The following B4GALNT3 variants were observed in gnomAD, a reference collection of about 807,000 sequenced individuals.
B4GALNT3 encodes beta-1,4-N-acetylgalactosaminyltransferase 3.
Under a neutral mutation model 120.2 loss-of-function variants are expected in B4GALNT3, and 86 were observed. The observed-to-expected ratio is 0.72, with a 90% CI of 0.60 to 0.86. The LOEUF is 0.86. Among genes scored for constraint, B4GALNT3 ranks in the 40% least tolerant of loss-of-function variants. The pLI, the probability that B4GALNT3 is intolerant of heterozygous loss-of-function variation, is 0.00. For missense variants in B4GALNT3, 1,167 were observed against 1,298.9 expected (o/e 0.90, Z 1.56); for synonymous variants, 518 against 510.4 (o/e 1.01, Z -0.20).
chr12:464,846 C>T (rs1946061697), intron 1 of B4GALNT3, among the ~76,000 whole-genome samples: 1 of 152,190 alleles, frequency 6.6e-6, no homozygotes, highest in South Asian at 2.1e-4. Flanking sequence ...CTCTGGTTGG[C>T]CTTTGTGACT....
At chr12:481,216 C>T (rs1194412339) in intron 1 of B4GALNT3, among the ~76,000 whole-genome samples, 1 of 152,178 alleles carries the variant, frequency 6.6e-6, no homozygotes, top group Middle Eastern at 3.2e-3. Flanking sequence ...TGCTTCCTCC[C>T]AGGGTCACTG....
chr12:545,299 TCA>T, intron 5 of B4GALNT3, 68 bp from the exon 6 acceptor site: 1 of 1,539,828 alleles, frequency 6.5e-7, no homozygotes, highest in African/African-American at 1.4e-5. Flanking sequence ...GCTAAGACAC[TCA>T]CAAAAGCCTC....
chr12:466,676 A>G (rs1036934110), intron 1 of B4GALNT3, among the ~76,000 whole-genome samples: 7 of 152,204 alleles, frequency 4.6e-5, no homozygotes, highest in African/African-American at 7.2e-5. Flanking sequence ...TTGCAGACTC[A>G]AGTTAACAAG....
intron 1 of B4GALNT3, among the ~76,000 whole-genome samples, chr12:461,888 C>T (rs987294829): frequency 6.6e-6 from 1 of 152,186 alleles, no homozygotes; most frequent in Non-Finnish European, 1.5e-5. Flanking sequence ...AAAACGACAG[C>T]TTCTCAGGTG....
intron 1 of B4GALNT3, among the ~76,000 whole-genome samples, chr12:496,132 A>G (rs1467729820): frequency 2.0e-5 from 3 of 152,278 alleles, no homozygotes. Context: ...GGATCATGGC[A>G]GAAAAAGATC....
intron 1 of B4GALNT3, among the ~76,000 whole-genome samples, chr12:525,710 G>A (rs901398974): frequency 1.3e-5 from 2 of 152,248 alleles, no homozygotes; most frequent in South Asian, 2.1e-4. Context: ...ATAGGAGGAA[G>A]AGCACAGGCT....
At chr12:508,905 T>C (rs1946521690) in intron 1 of B4GALNT3, among the ~76,000 whole-genome samples, 1 of 152,232 alleles carries the variant, frequency 6.6e-6, no homozygotes, top group Non-Finnish European at 1.5e-5. Flanking sequence ...CAGGGTCTTT[T>C]CCTCTCATGC....
chr12:491,027 T>G (rs1946335108), intron 1 of B4GALNT3, among the ~76,000 whole-genome samples: 1 of 152,096 alleles, frequency 6.6e-6, no homozygotes, highest in Admixed American at 6.6e-5. Context: ...TAACTAATTC[T>G]ATGAGGCCAG....
intron 1 of B4GALNT3, among the ~76,000 whole-genome samples, chr12:503,039 G>A (rs1390832146): frequency 2.0e-5 from 3 of 152,170 alleles, no homozygotes; most frequent in African/African-American, 7.2e-5. Context: ...GATTACAGGT[G>A]TGAGCCACTG....
intron 1 of B4GALNT3, among the ~76,000 whole-genome samples, chr12:481,121 G>T (rs1455646893): frequency 2.6e-5 from 4 of 152,218 alleles, no homozygotes; most frequent in African/African-American, 9.6e-5. Flanking sequence ...TCATGGCCAT[G>T]CCTCAGGGAG....
At chr12:493,619 G>A (rs1447637768) in intron 1 of B4GALNT3, among the ~76,000 whole-genome samples, 4 of 148,762 alleles carry the variant, frequency 2.7e-5, no homozygotes, top group South Asian at 2.1e-4. Context: ...GGTTTTTCAC[G>A]AGAAGGATAT....
rs1457707990 is a variant in B4GALNT3 at position 460,470 on chromosome 12, G to C, written c.94G>C (p.Val32Leu). 2.5e-6 allele frequency: 4 copies of C among 1,586,492 alleles called. No homozygotes were observed. In the South Asian group the frequency reaches 4.6e-5, roughly 18 times the overall value. Residue 32 changes from valine to leucine, a missense_variant, in exon 1 of 20, where the codon GTG becomes CTG. By Grantham distance (32) the Val-to-Leu change is conservative (BLOSUM62 1). Transcript: ENST00000266383. The surrounding 1 kb of genome is among the most constrained non-coding windows in gnomAD (Gnocchi z 8.0). ...CCGGCTGCTGCTGGCGCTCGCCGTG[G>C]TGTCTGTGGGGCTCTGGACTCTGTA... ...RFRLLLALAV[V>L]SVGLWTLYLE... is the part of the protein sequence containing the mutation.
intron 6 of B4GALNT3, among the ~76,000 whole-genome samples, chr12:546,239 G>A (rs1295189195): frequency 8.7e-6 from 1 of 114,364 alleles, no homozygotes; most frequent in Non-Finnish European, 1.9e-5. Context: ...GGGGAGTGGG[G>A]AGGTGGGGAG....
chr12:555,201 A>G lies in B4GALNT3; in HGVS notation c.2060+1218A>G, dbSNP rs147463481. On this transcript the variant is annotated intron_variant, in intron 14 of 19. Transcript: ENST00000266383. The stretch of plus-strand genomic sequence containing the variant: ...TCAAAAAAAAAGAAAAAGAAAGAAA[A>G]AAAAAAAGAAACCGTATGTGTTAGT... The G allele has an allele frequency of 2.2e-3, 712 of 329,146 alleles. 6 individuals carry two copies. The highest frequency in any genetic ancestry group is 3.1e-3 in the Non-Finnish European group (514 of 165,266). The allele number at this position is 329,146 out of a possible 1,614,324, so 20.4% of individuals were successfully genotyped here. A position where few individuals can be genotyped will look rare whatever the true frequency, so the allele number is the denominator to read the frequency against.
chr12:521,642 G>A (rs71447492), intron 1 of B4GALNT3, among the ~76,000 whole-genome samples: 17,632 of 152,208 alleles, frequency 0.12, 1,119 homozygotes, highest in Non-Finnish European at 0.14. Flanking sequence ...ACACAATCCC[G>A]GTATGCGGCT....
In B4GALNT3 at chr12:514,431, T is replaced by G. The variant is rs557916123; in HGVS notation, c.170-20735T>G. 1.7e-3 allele frequency among the ~76,000 whole-genome samples: 257 copies of G among 151,644 alleles called. 1 individual carries two copies. The highest frequency in any genetic ancestry group is 6.0e-3 in the African/African-American group (249 of 41,458). On this transcript the variant is annotated intron_variant, in intron 1 of 19. Transcript: ENST00000266383. ...CCAGGATGGTCTCGATCTACTGACC[T>G]CGTGATCTGCCCGCCTCGGCCTCCC...
At chr12:482,233 A>G (rs980618310) in intron 1 of B4GALNT3, among the ~76,000 whole-genome samples, 3 of 152,186 alleles carry the variant, frequency 2.0e-5, no homozygotes, top group Non-Finnish European at 4.4e-5. Context: ...ACACGTTACC[A>G]TTTGGAGCCT....
chr12:485,144 A>G (rs1303727233), intron 1 of B4GALNT3, among the ~76,000 whole-genome samples: 2 of 152,172 alleles, frequency 1.3e-5, no homozygotes, highest in Non-Finnish European at 2.9e-5. Flanking sequence ...ACTGGGGTGT[A>G]TGATGCAGAG....
chr12:496,720 A>T (rs1049445702), intron 1 of B4GALNT3, among the ~76,000 whole-genome samples: 1 of 152,116 alleles, frequency 6.6e-6, no homozygotes, highest in Non-Finnish European at 1.5e-5. Context: ...GACTCTGCCC[A>T]TGCGCGTTAA....
Sources: allele counts gnomAD v4.1 joint callset (sites outside exome capture counted in the v4.1 genomes callset), GRCh38; gene constraint gnomAD v4.1.1; non-coding constraint Gnocchi (gnomAD v3.1); transcripts MANE v1.5; gene names NCBI Gene and HGNC (gene_info 2026-07-23, HGNC 2026-07-21).